The following TNIK variants were observed in gnomAD, a reference collection of about 807,000 sequenced individuals.
TNIK encodes the protein TRAF2 and NCK-interacting protein kinase.
A neutral mutation model predicts 191.3 loss-of-function variants in TNIK; 49 were observed. The observed-to-expected ratio is 0.26, with a 90% confidence interval of 0.20 to 0.32. TNIK has a LOEUF of 0.32. TNIK is among the 10% of genes least tolerant of loss of function. The pLI, the probability that TNIK is intolerant of heterozygous loss-of-function variation, is 1.00. For missense variants in TNIK, 1,155 were observed against 1,702.3 expected (o/e 0.68, Z 5.66); for synonymous variants, 594 against 600.9 (o/e 0.99, Z 0.17).
chr3:171,431,912 C>T (rs1453534085), intron 1 of TNIK, among the ~76,000 whole-genome samples: 1 of 152,194 alleles, frequency 6.6e-6, no homozygotes, highest in East Asian at 1.9e-4. Context: ...AGAATGCATA[C>T]ACAGAAACAC....
At chr3:171,147,940 T>C (rs546807403) in intron 12 of TNIK, among the ~76,000 whole-genome samples, 1 of 152,286 alleles carries the variant, frequency 6.6e-6, no homozygotes, top group Admixed American at 6.5e-5. Context: ...GTTGCCATTT[T>C]CCCCTCTTTC....
chr3:171,432,541 A>T (rs1375495946), intron 1 of TNIK, among the ~76,000 whole-genome samples: 1 of 152,222 alleles, frequency 6.6e-6, no homozygotes, highest in African/African-American at 2.4e-5. Flanking sequence ...AACCAGACGG[A>T]AAATCAGGTT....
intron 4 of TNIK, among the ~76,000 whole-genome samples, chr3:171,205,692 A>T (rs79998769): frequency 0.023 from 3,569 of 152,234 alleles, 128 homozygotes; most frequent in African/African-American, 0.082. Flanking sequence ...CCCCTTCAGT[A>T]TGTGGGTCAG....
intron 2 of TNIK, among the ~76,000 whole-genome samples, chr3:171,285,357 T>C (rs772662578): frequency 3.3e-5 from 5 of 152,256 alleles, no homozygotes; most frequent in Admixed American, 6.5e-5. Flanking sequence ...TGGTAATATA[T>C]GTTAGCTTGC....
chr3:171,260,033 A>T (rs1472612689), intron 2 of TNIK, among the ~76,000 whole-genome samples: 1 of 152,118 alleles, frequency 6.6e-6, no homozygotes, highest in African/African-American at 2.4e-5. Flanking sequence ...AACCCTGCTA[A>T]GTCAGTTTAG....
rs993226086 is a variant in TNIK at position 171,187,082 on chromosome 3, G to A, written c.639+1620C>T. ...AGCTGAGGTTGTAAGAGCTGCAAAC[G>A]CTGTTTCCCCATGCTATGTTACATA... is the stretch of plus-strand genomic sequence containing the variant. On this transcript the variant is annotated intron_variant, in intron 7 of 32. Transcript: ENST00000436636. Among the ~76,000 whole-genome samples, 65 of 152,150 alleles carry A rather than the reference G, an allele frequency of 4.3e-4. 1 individual carries two copies. Among genetic ancestry groups the A allele is most frequent in the African/African-American group, 1.3e-3 (53 of 41,430 alleles).
At chr3:171,188,517 A>G (rs1737642543) in intron 7 of TNIK, among the ~76,000 whole-genome samples, 185 bp downstream of exon 7, 2 of 152,204 alleles carry the variant, frequency 1.3e-5, no homozygotes, top group Non-Finnish European at 2.9e-5. Flanking sequence ...ACAGGCCATC[A>G]GATAAGATGG....
chr3:171,343,155 T>C (rs1711574215), intron 2 of TNIK, among the ~76,000 whole-genome samples: 1 of 152,184 alleles, frequency 6.6e-6, no homozygotes, highest in Admixed American at 6.5e-5. Flanking sequence ...CCCCACTTCT[T>C]AGCTGTGGGC....
chr3:171,270,284 G>C (rs1407236382), intron 2 of TNIK, among the ~76,000 whole-genome samples: 1 of 152,128 alleles, frequency 6.6e-6, no homozygotes, highest in East Asian at 1.9e-4. Context: ...ATACTGTTTG[G>C]TTACTAAGTT....
At chr3:171,199,219 A>AG (rs1739111608) in intron 4 of TNIK, among the ~76,000 whole-genome samples, 1 of 144,928 alleles carries the variant, frequency 6.9e-6, no homozygotes, top group Non-Finnish European at 1.5e-5. Context: ...AAAAAAAAAG[A>AG]AAAAAAACAG....
Position 171,068,859 on chromosome 3 carries a change from T to C in TNIK, c.3688A>G (p.Ile1230Val). Residue 1230 changes from isoleucine to valine, a missense_variant, in exon 30 of 33, where the codon ATA becomes GTA. Around this residue, in one of 3 missense-constraint regions of TNIK, gnomAD observed 195 missense variants for 415.4 expected, o/e 0.47. Coordinates refer to ENST00000436636, the MANE Select transcript of TNIK (RefSeq NM_015028.4). The stretch of plus-strand genomic sequence containing the variant: ...TTCTGAGTACTTACATGAGATGGTA[T>C]GTAGATATCATAAGAGTTTCCTGAA... ...VDSGNSYDIY[I>V]PSHIQGNITP... 3 of 1,613,478 alleles carry C rather than the reference T, an allele frequency of 1.9e-6. No individual in the cohort carries two copies. The highest frequency in any genetic ancestry group is 2.5e-6 in the Non-Finnish European group (3 of 1,179,614).
chr3:171,309,908 T>C (rs750403386), intron 2 of TNIK, among the ~76,000 whole-genome samples: 2 of 152,160 alleles, frequency 1.3e-5, no homozygotes, highest in Non-Finnish European at 2.9e-5. Context: ...AGTTGTCCTC[T>C]TGGGGAGAAA....
intron 15 of TNIK, among the ~76,000 whole-genome samples, chr3:171,129,370 C>T (rs1393340061): frequency 6.6e-6 from 1 of 152,180 alleles, no homozygotes; most frequent in Admixed American, 6.5e-5. Context: ...CTTCACGTGT[C>T]CTACTGATAG....
chr3:171,222,165 T>C (rs1338836832), intron 3 of TNIK, among the ~76,000 whole-genome samples: 1 of 152,168 alleles, frequency 6.6e-6, no homozygotes, highest in Admixed American at 6.6e-5. Context: ...CAGCTCTCTC[T>C]GAATCTGAAG....
rs192304760 is a variant in TNIK at position 171,071,330 on chromosome 3, T to C, written c.3449-7A>G. 1 of 1,555,994 alleles carries C rather than the reference T, an allele frequency of 6.4e-7. No homozygotes were observed. The highest frequency in any genetic ancestry group is 1.2e-5 in the South Asian group (1 of 83,110). On this transcript the variant is annotated splice_region_variant and splice_polypyrimidine_tract_variant and intron_variant, in intron 28 of 32. Transcript: ENST00000436636. ...TTGATCCTTTCATATTTAACTGTAA[T>C]AGAAAAATTATGAGTGAAAAAGTAC... is the stretch of plus-strand genomic sequence containing the variant.
chr3:171,204,220 T>C (rs943244377), intron 4 of TNIK, among the ~76,000 whole-genome samples: 2 of 152,174 alleles, frequency 1.3e-5, no homozygotes, highest in East Asian at 1.9e-4. Flanking sequence ...GATTTCCGGA[T>C]CAGACCCTGA....
intron 2 of TNIK, among the ~76,000 whole-genome samples, chr3:171,271,112 C>T (rs956597119): frequency 6.6e-6 from 1 of 152,168 alleles, no homozygotes; most frequent in African/African-American, 2.4e-5. Context: ...TGGGTTCTGG[C>T]TTACCCTAAG....
At chr3:171,205,072 T>C (rs1216222985) in intron 4 of TNIK, among the ~76,000 whole-genome samples, 1 of 152,186 alleles carries the variant, frequency 6.6e-6, no homozygotes, top group African/African-American at 2.4e-5. Flanking sequence ...AGGTGATAAA[T>C]ATTTCCTACC....
intron 6 of TNIK, among the ~76,000 whole-genome samples, chr3:171,190,111 C>G (rs1425156575): frequency 6.6e-6 from 1 of 152,182 alleles, no homozygotes; most frequent in Non-Finnish European, 1.5e-5. Flanking sequence ...TGGTAATTCT[C>G]TATTTGGGCA....
Sources: gnomAD v4.1 joint callset for allele counts (sites outside exome capture counted in the v4.1 genomes callset) on GRCh38, gnomAD v4.1.1 for gene constraint, gnomAD v4.1.1 regional missense constraint, MANE v1.5 for transcripts, NCBI Gene and HGNC (gene_info 2026-07-23, HGNC 2026-07-21) for gene names.